The following THRB variants were observed in gnomAD, a reference collection of about 807,000 sequenced individuals.
THRB encodes the protein thyroid hormone receptor beta, also known as nuclear receptor subfamily 1 group A member 2.
In THRB, 12 loss-of-function variants were observed where a neutral mutation model predicts 47.8. The observed-to-expected ratio is 0.25, with a 90% confidence interval of 0.16 to 0.41. The LOEUF is 0.41. Among genes scored for constraint, THRB ranks in the 10% least tolerant of loss-of-function variants. The pLI is 1.00. For missense variants in THRB, 348 were observed against 589.2 expected (o/e 0.59, Z 4.24); for synonymous variants, 218 against 212.2 (o/e 1.03, Z -0.24).
intron 1 of THRB, among the ~76,000 whole-genome samples, chr3:24,482,484 AT>A (rs1696599927): frequency 8.4e-6 from 1 of 118,418 alleles, no homozygotes. Flanking sequence ...CCACTTCCTG[AT>A]TCATTCATTC....
chr3:24,331,922 GA>G (rs1203230049), intron 2 of THRB, among the ~76,000 whole-genome samples: 1 of 151,998 alleles, frequency 6.6e-6, no homozygotes, highest in East Asian at 1.9e-4. Context: ...TCAGTCCCTT[GA>G]AAGCCCCACC....
intron 1 of THRB, among the ~76,000 whole-genome samples, chr3:24,463,756 T>C (rs1480950858): frequency 1.3e-5 from 2 of 152,158 alleles, no homozygotes; most frequent in African/African-American, 4.8e-5. Flanking sequence ...TCCCAGAAAT[T>C]AGAAAGGCAG....
chr3:24,353,454 A>G (rs1027303231), intron 1 of THRB, among the ~76,000 whole-genome samples: 1 of 152,152 alleles, frequency 6.6e-6, no homozygotes, highest in Non-Finnish European at 1.5e-5. Flanking sequence ...TGTGTATTCA[A>G]GCTAGGACCA....
intron 5 of THRB, among the ~76,000 whole-genome samples, chr3:24,173,131 T>C (rs967867497): frequency 7.2e-5 from 11 of 152,156 alleles, no homozygotes; most frequent in African/African-American, 2.4e-4. Context: ...ACCAACTGGA[T>C]CGTAAACTCT....
chr3:24,132,002 T>C (rs990819896), intron 9 of THRB, among the ~76,000 whole-genome samples: 1 of 152,200 alleles, frequency 6.6e-6, no homozygotes, highest in African/African-American at 2.4e-5. Context: ...CTTCTGGGTA[T>C]GGCTTCTGTG....
chr3:24,122,833 G>A lies in THRB; in HGVS notation c.*51C>T. 1 of 1,613,344 alleles carries A rather than the reference G, an allele frequency of 6.2e-7. No homozygotes were observed. The highest frequency in any genetic ancestry group is 8.5e-7 in the Non-Finnish European group (1 of 1,179,340). On this transcript the variant is annotated 3_prime_UTR_variant, in exon 11 of 11. Coordinates refer to ENST00000646209, the MANE Select transcript of THRB (RefSeq NM_001354712.2). Reference sequence around the variant, plus strand: ...ACAAAAAAGAGCTAGGCAATGGAATGAAATGACACCCAGTAGTGCTGTAGG... The same window carrying A: ...ACAAAAAAGAGCTAGGCAATGGAATAAAATGACACCCAGTAGTGCTGTAGG...
chr3:24,232,251 G>A lies in THRB; in HGVS notation c.-42-3250C>T, dbSNP rs888130988. 2.6e-5 allele frequency among the ~76,000 whole-genome samples: 4 copies of A among 152,206 alleles called. No homozygotes were observed. In the East Asian group the frequency reaches 5.8e-4, roughly 22 times the overall value. On this transcript the variant is annotated intron_variant, in intron 3 of 10. Transcript: ENST00000646209. ...TCATTCATTTGTTTGGTTATCGCGA[G>A]GCCTTGGTTGAGGCTACTCTGTTTA... is the stretch of plus-strand genomic sequence containing the variant.
chr3:24,225,818 ACTTC>A (rs1326529080), intron 4 of THRB, among the ~76,000 whole-genome samples: 1 of 152,236 alleles, frequency 6.6e-6, no homozygotes, highest in East Asian at 1.9e-4. Flanking sequence ...GTACTTTTTT[ACTTC>A]CTTCTTTAAG....
chr3:24,218,869 C>G (rs1433880221), intron 4 of THRB, among the ~76,000 whole-genome samples: 5 of 152,072 alleles, frequency 3.3e-5, no homozygotes, highest in Non-Finnish European at 7.4e-5. Context: ...AAATGGAAGT[C>G]CTCTCATTTA....
chr3:24,150,533 C>G lies in THRB; in HGVS notation c.384+1857G>C, dbSNP rs76890811. Among the ~76,000 whole-genome samples, 948 of 152,240 alleles carry G rather than the reference C, an allele frequency of 6.2e-3. 15 individuals are homozygous for G. The highest frequency in any genetic ancestry group is 0.022 in the African/African-American group (900 of 41,544). On this transcript the variant is annotated intron_variant, in intron 6 of 10. Transcript: ENST00000646209. The stretch of plus-strand genomic sequence containing the variant: ...ATTTCTTCTTTTAAGAAAACCTCAG[C>G]TGATCCAGGCTCCAAACATCCTGTG...
intron 3 of THRB, among the ~76,000 whole-genome samples, chr3:24,277,930 G>T (rs2054105234): frequency 6.6e-6 from 1 of 152,182 alleles, no homozygotes; most frequent in South Asian, 2.1e-4. Context: ...CATTAATAAT[G>T]CATTCACCTG....
chr3:24,217,103 TTAATA>T (rs768579084), intron 4 of THRB, among the ~76,000 whole-genome samples: 1 of 148,708 alleles, frequency 6.7e-6, no homozygotes, highest in Admixed American at 6.7e-5. Context: ...TTATAAGATA[TTAATA>T]TAATATTTAA....
chr3:24,475,534 T>TATAGATAG (rs35580590), intron 1 of THRB, among the ~76,000 whole-genome samples: 6 of 151,328 alleles, frequency 4.0e-5, no homozygotes, highest in East Asian at 1.9e-4. Context: ...TCAACATATA[T>TATAGATAG]ATAGATAGAT....
At chr3:24,266,227 A>G (rs2052633983) in intron 3 of THRB, among the ~76,000 whole-genome samples, 1 of 152,208 alleles carries the variant, frequency 6.6e-6, no homozygotes, top group South Asian at 2.1e-4. Flanking sequence ...ATTAAAATAA[A>G]ACAAGTCAAA....
chr3:24,219,144 G>C (rs370923470), intron 4 of THRB, among the ~76,000 whole-genome samples: 30 of 152,006 alleles, frequency 2.0e-4, no homozygotes, highest in Admixed American at 4.6e-4. Context: ...GAGTGTGGTG[G>C]TGTGTGCCAG....
intron 4 of THRB, among the ~76,000 whole-genome samples, chr3:24,224,566 TAAGGGACACCTG>T (rs2047470947): frequency 6.6e-6 from 1 of 152,146 alleles, no homozygotes. Flanking sequence ...CTGAAAAACC[TAAGGGACACCTG>T]AAGGTCCACC....
At chr3:24,196,899 C>A (rs1262404667) in intron 4 of THRB, among the ~76,000 whole-genome samples, 1 of 152,208 alleles carries the variant, frequency 6.6e-6, no homozygotes, top group African/African-American at 2.4e-5. Flanking sequence ...CTTACTCAAC[C>A]TTCAAGGTCT....
chr3:24,173,280 T>C (rs1241804053), intron 5 of THRB, among the ~76,000 whole-genome samples: 2 of 152,182 alleles, frequency 1.3e-5, no homozygotes, highest in African/African-American at 2.4e-5. Context: ...CCTTGAGCCC[T>C]GGATTCTCAA....
intron 5 of THRB, among the ~76,000 whole-genome samples, chr3:24,179,658 T>A (rs752043778): frequency 1.3e-5 from 2 of 152,198 alleles, no homozygotes; most frequent in African/African-American, 4.8e-5. Context: ...CCAATTTTAT[T>A]TTTCCACTTC....
Sources: gnomAD v4.1 joint callset for allele counts (sites outside exome capture counted in the v4.1 genomes callset) on GRCh38, gnomAD v4.1.1 for gene constraint, MANE v1.5 for transcripts, NCBI Gene and HGNC (gene_info 2026-07-23, HGNC 2026-07-21) for gene names.